WNT3: variants seen among roughly 807,000 people sequenced by gnomAD.
WNT3 encodes the protein proto-oncogene Wnt-3.
Under a neutral mutation model 34.2 loss-of-function variants are expected in WNT3, and 7 were observed. That is an observed-to-expected ratio of 0.20 (90% CI 0.12 to 0.38). The LOEUF is 0.38. WNT3 is among the 10% of genes least tolerant of loss of function. The pLI, the probability that WNT3 is intolerant of heterozygous loss-of-function variation, is 1.00. For missense variants in WNT3, 267 were observed against 499.8 expected (o/e 0.53, Z 4.44); for synonymous variants, 212 against 211.5 (o/e 1.00, Z -0.02).
At chr17:46,799,602 C>A (rs1466413883) in intron 1 of WNT3, among the ~76,000 whole-genome samples, 2 of 152,080 alleles carry the variant, frequency 1.3e-5, no homozygotes, top group Non-Finnish European at 2.9e-5. Context: ...TGTGCGCCAC[C>A]ATGCCTGGCT....
intron 1 of WNT3, among the ~76,000 whole-genome samples, chr17:46,814,178 T>G (rs34608985): frequency 0.05 from 7,581 of 152,220 alleles, 372 homozygotes; most frequent in East Asian, 0.25. Context: ...TCCACCCATC[T>G]CTCACCTCTT....
chr17:46,810,159 A>C (rs2065934878), intron 1 of WNT3, among the ~76,000 whole-genome samples: 1 of 151,482 alleles, frequency 6.6e-6, no homozygotes, highest in Non-Finnish European at 1.5e-5. Flanking sequence ...GGCTCCCACC[A>C]CCACGCCCAG....
chr17:46,803,843 G>A (rs2084158228), intron 1 of WNT3, among the ~76,000 whole-genome samples: 2 of 152,244 alleles, frequency 1.3e-5, no homozygotes, highest in Non-Finnish European at 2.9e-5. Flanking sequence ...CAGGCTCACG[G>A]CTGTCTGGGC....
At chr17:46,814,504 C>A (rs1056254814) in intron 1 of WNT3, among the ~76,000 whole-genome samples, 1 of 152,096 alleles carries the variant, frequency 6.6e-6, no homozygotes, top group Admixed American at 6.6e-5. Context: ...CCGCCATATC[C>A]CCCCCAGGGA....
chr17:46,811,351 C>T (rs1343831490), intron 1 of WNT3, among the ~76,000 whole-genome samples: 4 of 152,228 alleles, frequency 2.6e-5, no homozygotes, highest in East Asian at 1.9e-4. Context: ...GTCAATGGCG[C>T]GGAAGTGATT....
chr17:46,816,571 C>T (rs892066747), intron 1 of WNT3, among the ~76,000 whole-genome samples: 1 of 152,166 alleles, frequency 6.6e-6, no homozygotes. Flanking sequence ...AATTCCCAAA[C>T]AAGCCATGTG....
intron 1 of WNT3, among the ~76,000 whole-genome samples, chr17:46,774,359 C>T (rs980899333): frequency 2.0e-5 from 3 of 152,212 alleles, no homozygotes; most frequent in Non-Finnish European, 1.5e-5. Context: ...CACGCGCGCG[C>T]GCGCACACAC....
intron 1 of WNT3, among the ~76,000 whole-genome samples, chr17:46,774,556 T>A (rs1178075093): frequency 2.6e-5 from 4 of 152,242 alleles, no homozygotes; most frequent in Non-Finnish European, 5.9e-5. Context: ...CATGAGAGAC[T>A]GGAGCTTGGC....
chr17:46,791,798 A>G (rs1321678042), intron 1 of WNT3, among the ~76,000 whole-genome samples: 1 of 148,574 alleles, frequency 6.7e-6, no homozygotes, highest in Admixed American at 6.7e-5. Context: ...ACAGCACTTC[A>G]GAATTTCGAG....
chr17:46,790,504 G>A (rs1174013587), intron 1 of WNT3, among the ~76,000 whole-genome samples: 1 of 152,038 alleles, frequency 6.6e-6, no homozygotes, highest in Non-Finnish European at 1.5e-5. Flanking sequence ...ACAGGGCTGG[G>A]GACCTGCCCA....
At chr17:46,766,375 C>T (rs1304010614) in intron 4 of WNT3, among the ~76,000 whole-genome samples, 1 of 151,906 alleles carries the variant, frequency 6.6e-6, no homozygotes, top group Non-Finnish European at 1.5e-5. Flanking sequence ...GCACTTCACT[C>T]CAGCCTGGGC....
intron 2 of WNT3, among the ~76,000 whole-genome samples, chr17:46,771,460 C>G (rs1166293721): frequency 2.7e-5 from 4 of 149,954 alleles, no homozygotes; most frequent in African/African-American, 7.3e-5. Context: ...CGCCCGGGCC[C>G]CGGGCCGCGC....
intron 2 of WNT3, among the ~76,000 whole-genome samples, chr17:46,771,211 GGTCCCGCCCGCGCCCCGCGCCTGCGCT>G (rs1179172905): frequency 6.6e-6 from 1 of 152,220 alleles, no homozygotes; most frequent in Non-Finnish European, 1.5e-5. Flanking sequence ...GTGCAGAGCT[GGTCCCGCCCGCGCCCCGCGCCTGCGCT>G]GCCAGGGCCG....
At chr17:46,795,172 T>A (rs973151326) in intron 1 of WNT3, among the ~76,000 whole-genome samples, 2 of 152,062 alleles carry the variant, frequency 1.3e-5, no homozygotes, top group Admixed American at 1.3e-4. Context: ...AATTGTTCCC[T>A]ACCAGGAATG....
At chr17:46,810,921 T>C (rs928414444) in intron 1 of WNT3, among the ~76,000 whole-genome samples, 8 of 152,094 alleles carry the variant, frequency 5.3e-5, no homozygotes, top group Non-Finnish European at 8.8e-5. Context: ...CTCCTCACAC[T>C]GGCCCCTCTC....
intron 1 of WNT3, among the ~76,000 whole-genome samples, chr17:46,776,976 G>A (rs1233913012): frequency 1.3e-5 from 2 of 152,096 alleles, no homozygotes; most frequent in Admixed American, 6.5e-5. Flanking sequence ...AGCTAAACTG[G>A]AGGCTGAGCC....
chr17:46,792,555 C>A (rs936604660), intron 1 of WNT3, among the ~76,000 whole-genome samples: 2 of 152,130 alleles, frequency 1.3e-5, no homozygotes, highest in African/African-American at 4.8e-5. Flanking sequence ...TTTACTGCAA[C>A]CTCTGCCTCC....
intron 1 of WNT3, among the ~76,000 whole-genome samples, chr17:46,797,274 AAG>A (rs1303913900): frequency 6.6e-6 from 1 of 152,208 alleles, no homozygotes; most frequent in East Asian, 1.9e-4. Flanking sequence ...ACTCTGGCCC[AAG>A]AGCTGTCTGG....
At chr17:46,769,312 T>A (rs2059341797) in intron 3 of WNT3, among the ~76,000 whole-genome samples, 1 of 97,352 alleles carries the variant, frequency 1.0e-5, no homozygotes. Flanking sequence ...CGAGACTCCG[T>A]CTCAAAAAAA....
Sources: gnomAD v4.1 joint callset for allele counts (sites outside exome capture counted in the v4.1 genomes callset) on GRCh38, gnomAD v4.1.1 for gene constraint, MANE v1.5 for transcripts, NCBI Gene and HGNC (gene_info 2026-07-23, HGNC 2026-07-21) for gene names.